LAMB4: variants seen among roughly 807,000 people sequenced by gnomAD.
LAMB4 encodes laminin subunit beta-4.
LAMB4 carries 196 observed loss-of-function variants against 199.2 expected under a neutral mutation model. The ratio of observed to expected loss-of-function variants is 0.98; its 90% confidence interval spans 0.88 to 1.11. LAMB4 has a LOEUF of 1.11. Ranked by LOEUF, LAMB4 falls within the 50% of genes least tolerant of loss-of-function variation. LAMB4 has a pLI of 0.00. For synonymous variants in LAMB4, 744 were observed against 770.6 expected, an observed-to-expected ratio of 0.97 and a Z score of 0.57; for missense variants, 2,080 against 2,171.2, an observed-to-expected ratio of 0.96 and a Z score of 0.83.
chr7:108,124,012 G>GT (rs375573172), intron 1 of LAMB4, among the ~76,000 whole-genome samples: 253 of 146,272 alleles, frequency 1.7e-3, no homozygotes, highest in African/African-American at 4.6e-3. Flanking sequence ...ATTTGTAATG[G>GT]TTTTTTTTTT....
intron 30 of LAMB4, among the ~76,000 whole-genome samples, chr7:108,036,740 A>G (rs2035244092): frequency 6.6e-6 from 1 of 152,014 alleles, no homozygotes; most frequent in South Asian, 2.1e-4. Flanking sequence ...TTGGTTGGCT[A>G]AGTCAACAGG....
At chr7:108,091,590 A>G (rs768968607) in intron 14 of LAMB4, 36 bp downstream of exon 14, 1 of 1,597,400 alleles carries the variant, frequency 6.3e-7, no homozygotes, top group African/African-American at 1.3e-5. Flanking sequence ...CATATCATCA[A>G]ACACAGTCTG....
intron 33 of LAMB4, among the ~76,000 whole-genome samples, chr7:108,026,229 C>T (rs554526403): frequency 2.0e-5 from 3 of 152,260 alleles, no homozygotes; most frequent in Admixed American, 6.5e-5. Context: ...GTAGTTCTTC[C>T]CATCAAGAAG....
In LAMB4 at chr7:108,066,508, A is replaced by G. The variant is rs1449123902; in HGVS notation, c.2539T>C (p.Cys847Arg). Reference protein sequence around the residue: ...PCHGEVSGRRCDRCLAGYFGF... With the variant: ...PCHGEVSGRRRDRCLAGYFGF... ...AAGTAGCCTGCCAGGCAGCGATCAC[A>G]GCGGCGGCCAGACACCTCTCCATGG... Residue 847 changes from cysteine to arginine, a missense_variant, in exon 20 of 34, where the codon TGT becomes CGT. By Grantham distance (180) the Cys-to-Arg change is radical. Transcript: ENST00000388781. 6.2e-7 allele frequency: 1 copy of G among 1,613,984 alleles called. No individual in the cohort carries two copies. Among genetic ancestry groups the G allele is most frequent in the African/African-American group, 1.3e-5 (1 of 74,946 alleles).
At chr7:108,114,285 G>T (rs1186363887) in intron 3 of LAMB4, among the ~76,000 whole-genome samples, 1 of 152,072 alleles carries the variant, frequency 6.6e-6, no homozygotes, top group Admixed American at 6.5e-5. Flanking sequence ...ACAGGGCATG[G>T]TGGTGCTTGC....
rs760630877 is a variant in LAMB4, at chr7:108,023,992, A to G, written c.*47T>C. 4.5e-6 allele frequency: 7 copies of G among 1,543,548 alleles called. No homozygotes were observed. The highest frequency in any genetic ancestry group is 1.3e-5 in the South Asian group (1 of 78,278). On this transcript the variant is annotated 3_prime_UTR_variant, in exon 34 of 34. Coordinates refer to ENST00000388781, the MANE Select transcript of LAMB4 (RefSeq NM_007356.3). ...TCAACAGAGCCCCAGGGGCTTGTAC[A>G]TCAGAAACCAGAAACAAAGGCACAA...
chr7:108,074,895 A>C (rs2036646403), intron 17 of LAMB4, among the ~76,000 whole-genome samples: 1 of 152,182 alleles, frequency 6.6e-6, no homozygotes, highest in African/African-American at 2.4e-5. Context: ...GTACAGCGTC[A>C]AGTGATAATC....
chr7:108,106,591 T>G lies in LAMB4; in HGVS notation c.592-19A>C, dbSNP rs910593260. 1 of 1,347,748 alleles carries G rather than the reference T, an allele frequency of 7.4e-7. No homozygotes were observed. The highest frequency in any genetic ancestry group is 1.1e-6 in the Non-Finnish European group (1 of 950,342). 83.5% of individuals were successfully genotyped at this position (1,347,748 alleles called of 1,614,324 possible). A position where few individuals can be genotyped will look rare whatever the true frequency, so the allele number is the denominator to read the frequency against. ...AAACAACCTGTAAAACAAATATAGA[T>G]ACATTTATAGTATATTACCTGAAAA... On this transcript the variant is annotated intron_variant, in intron 6 of 33. Transcript: ENST00000388781.
chr7:108,074,259 A>C (rs2036622713), intron 17 of LAMB4, among the ~76,000 whole-genome samples: 2 of 152,208 alleles, frequency 1.3e-5, no homozygotes, highest in South Asian at 4.1e-4. Flanking sequence ...GATTTCTGAC[A>C]GTTACCAATT....
rs200655443 is a variant in LAMB4 at position 108,047,929 on chromosome 7, C to G, written c.4305G>C (p.Gln1435His). 6.2e-7 allele frequency: 1 copy of G among 1,614,052 alleles called. No individual in the cohort carries two copies. The highest frequency in any genetic ancestry group is 2.2e-5 in the East Asian group (1 of 44,878). ...AKSIIRNLDK[Q>H]VRGLKNQIES... ...TTACCTGATTTTTCAACCCACGAAC[C>G]TGTTTGTCCAAATTACGAATAATGG... is the stretch of plus-strand genomic sequence containing the variant. Residue 1435 changes from glutamine (Q) to histidine (H), a missense_variant, in exon 28 of 34, where the codon CAG becomes CAC. By Grantham distance (24) the Gln-to-His change is conservative (BLOSUM62 0). Coordinates refer to ENST00000388781, the MANE Select transcript of LAMB4 (RefSeq NM_007356.3).
intron 9 of LAMB4, 128 bp downstream of exon 9, chr7:108,104,371 A>G: frequency 1.9e-6 from 2 of 1,037,040 alleles, no homozygotes; most frequent in Non-Finnish European, 2.8e-6. Flanking sequence ...GGGATATCAC[A>G]CTATAGGAGC....
At position 108,024,010 on chromosome 7, in the gene LAMB4, A is replaced by G; in HGVS notation, c.*29T>C. The G allele has an allele frequency of 6.4e-7, 1 of 1,570,590 alleles. No individual in the cohort carries two copies. The highest frequency in any genetic ancestry group is 1.2e-5 in the South Asian group (1 of 81,990). On this transcript the variant is annotated 3_prime_UTR_variant, in exon 34 of 34. Coordinates refer to ENST00000388781, the MANE Select transcript of LAMB4 (RefSeq NM_007356.3). Reference sequence around the variant, plus strand: ...CTTGTACATCAGAAACCAGAAACAAAGGCACAAGCTTTTGCTCTTTAACTC... The same window carrying G: ...CTTGTACATCAGAAACCAGAAACAAGGGCACAAGCTTTTGCTCTTTAACTC...
chr7:108,055,938 C>T lies in LAMB4; in HGVS notation c.3449G>A (p.Arg1150Gln), dbSNP rs749728887. 7.0e-5 allele frequency: 113 copies of T among 1,614,040 alleles called. No individual in the cohort carries two copies. In the Admixed American group the frequency reaches 1.5e-3, roughly 22 times the overall value. Reference sequence around the variant, plus strand: ...ACATCTCTGGCCGCTGACACCCTCCCGGCAGCGGCACATGCCTGTGTCTGG... The same window carrying T: ...ACATCTCTGGCCGCTGACACCCTCCTGGCAGCGGCACATGCCTGTGTCTGG... ...CDPDTGMCRCREGVSGQRCDR... is the reference protein window; with the variant it reads ...CDPDTGMCRCQEGVSGQRCDR... The change falls in exon 25 of 34, where the codon CGG (arginine) becomes CAG (glutamine). Residue 1150 changes from arginine to glutamine, a missense_variant. Arg to Gln is a conservative substitution (Grantham distance 43). Coordinates refer to ENST00000388781, the MANE Select transcript of LAMB4 (RefSeq NM_007356.3).
intron 33 of LAMB4, among the ~76,000 whole-genome samples, chr7:108,024,696 C>T (rs1264688453): frequency 7.1e-6 from 1 of 141,162 alleles, no homozygotes; most frequent in African/African-American, 3.1e-5. Context: ...CATCCATTGA[C>T]CCATCCATCG....
rs1355758104 is a variant in LAMB4, at chr7:108,078,377, A to G, written c.1888-61T>C. 8.9e-6 allele frequency: 9 copies of G among 1,015,426 alleles called. No individual in the cohort carries two copies. The Admixed American group carries it at 1.8e-4, about 20-fold the overall frequency. 62.9% of individuals were successfully genotyped at this position (1,015,426 alleles called of 1,614,324 possible). A position where few individuals can be genotyped will look rare whatever the true frequency, so the allele number is the denominator to read the frequency against. Reference sequence around the variant, plus strand: ...GGATGCAGGAAAATGTTTTGCACGTACACACATATAGCTAATGGAAAGTGC... The same window carrying G: ...GGATGCAGGAAAATGTTTTGCACGTGCACACATATAGCTAATGGAAAGTGC... On this transcript the variant is annotated intron_variant, in intron 15 of 33. Transcript: ENST00000388781.
chr7:108,031,062 A>T, intron 31 of LAMB4, 83 bp from the exon 32 acceptor site: 1 of 1,172,928 alleles, frequency 8.5e-7, no homozygotes, highest in East Asian at 2.5e-5. Context: ...CCCCTTGAAA[A>T]ATATGCTGGG....
chr7:108,040,797 T>C (rs531532124), intron 29 of LAMB4, among the ~76,000 whole-genome samples: 1 of 152,034 alleles, frequency 6.6e-6, no homozygotes, highest in Middle Eastern at 3.4e-3. Flanking sequence ...AACCCAAAAG[T>C]ATAAAAACCT....
chr7:108,045,838 A>G (rs557782656), intron 28 of LAMB4, among the ~76,000 whole-genome samples: 1 of 152,312 alleles, frequency 6.6e-6, no homozygotes, highest in South Asian at 2.1e-4. Flanking sequence ...GCAATACAGA[A>G]TTGTGACTAT....
chr7:108,071,414 C>A (rs918794280), intron 17 of LAMB4, among the ~76,000 whole-genome samples: 4 of 152,174 alleles, frequency 2.6e-5, no homozygotes, highest in African/African-American at 9.7e-5. Flanking sequence ...TGAATGGGTG[C>A]CAGCATCTGA....
Sources: allele counts gnomAD v4.1 joint callset (sites outside exome capture counted in the v4.1 genomes callset), GRCh38; gene constraint gnomAD v4.1.1; transcripts MANE v1.5; gene names NCBI Gene and HGNC (gene_info 2026-07-23, HGNC 2026-07-21).